SYT7: variants seen among roughly 807,000 people sequenced by gnomAD.
The protein encoded by SYT7 is synaptotagmin 7.
A neutral mutation model predicts 75.1 loss-of-function variants in SYT7; 29 were observed. That is an observed-to-expected ratio of 0.39 (90% confidence interval 0.29 to 0.53). SYT7 has a LOEUF of 0.53. Among genes scored for constraint, SYT7 ranks in the 20% least tolerant of loss-of-function variants. SYT7 has a pLI of 0.77. For synonymous variants in SYT7, 376 were observed against 401.7 expected, an observed-to-expected ratio of 0.94 and a Z score of 0.76; for missense variants, 693 against 953.2, an observed-to-expected ratio of 0.73 and a Z score of 3.59.
intron 2 of SYT7, among the ~76,000 whole-genome samples, chr11:61,552,501 C>T (rs536865471): frequency 2.0e-5 from 3 of 152,234 alleles, no homozygotes; most frequent in Admixed American, 1.3e-4. Context: ...CACACACGTG[C>T]GCGCACAAAT....
upstream of SYT7, among the ~76,000 whole-genome samples, chr11:61,582,033 A>G (rs1339452199): frequency 6.6e-6 from 1 of 152,114 alleles, no homozygotes; most frequent in Admixed American, 6.6e-5. Context: ...CATTAGTGGT[A>G]TGGTAGGCAC....
At position 61,542,609 on chromosome 11, in the gene SYT7, G is replaced by A. The variant is rs1195237188; in HGVS notation, c.573-30C>T. 1 of 1,465,278 alleles carries A rather than the reference G, an allele frequency of 6.8e-7. No homozygotes were observed. Among genetic ancestry groups the A allele is most frequent in the Non-Finnish European group, 9.0e-7 (1 of 1,111,826 alleles). 90.8% of individuals were successfully genotyped at this position (1,465,278 alleles called of 1,614,324 possible). On this transcript the variant is annotated intron_variant, in intron 5 of 12. Coordinates refer to ENST00000539008, the MANE Select transcript of SYT7 (RefSeq NM_001365809.2). This position sits in a 1 kb window ranked among gnomAD's most constrained non-coding sequence, Gnocchi z 7.8. ...GGGCAGGTGGAGGAGAGGAGAGAAAGGAGAAGCAGATGAAGGGATCACAGT... is the reference window on the plus strand; with the variant it reads ...GGGCAGGTGGAGGAGAGGAGAGAAAAGAGAAGCAGATGAAGGGATCACAGT...
chr11:61,518,668 G>A lies in SYT7; in HGVS notation c.2020C>T (p.Pro674Ser). The change falls in exon 13 of 13, where the codon CCC becomes TCC. Residue 674 changes from proline (P) to serine (S), a missense_variant. Physicochemically the swap from Pro to Ser is moderately conservative, Grantham distance 74. Around this residue, in one of 2 missense-constraint regions of SYT7, gnomAD observed 206 missense variants for 360.0 expected, o/e 0.57. Transcript: ENST00000539008. The part of the protein sequence containing the change: ...VKHWKDMIAR[P>S]RQPVAQWHQL... ...TGCCACTGGGCCACGGGCTGCCGGG[G>A]ACGGGCAATCATGTCCTTCCAGTGC... The A allele has an allele frequency of 6.5e-7, 1 of 1,549,880 alleles. No individual in the cohort carries two copies. The highest frequency in any genetic ancestry group is 8.7e-7 in the Non-Finnish European group (1 of 1,146,038).
At chr11:61,552,592 G>A (rs1773191112) in intron 2 of SYT7, among the ~76,000 whole-genome samples, 1 of 152,184 alleles carries the variant, frequency 6.6e-6, no homozygotes, top group South Asian at 2.1e-4. Flanking sequence ...CAGAGTAAGA[G>A]CTGTCACTGC....
chr11:61,557,940 C>A (rs905068476), intron 1 of SYT7, among the ~76,000 whole-genome samples: 2 of 152,234 alleles, frequency 1.3e-5, no homozygotes, highest in Admixed American at 6.5e-5. Flanking sequence ...CACAGCCCCA[C>A]GGCCCATGGC....
chr11:61,539,902 T>C (rs1190880047), intron 6 of SYT7: 1 of 152,100 alleles, frequency 6.6e-6, no homozygotes, highest in Non-Finnish European at 1.5e-5. Context: ...AACAACTCTA[T>C]ACCCTCCCTC....
At chr11:61,525,095 C>T (rs1295934009) in intron 9 of SYT7, among the ~76,000 whole-genome samples, 1 of 152,200 alleles carries the variant, frequency 6.6e-6, no homozygotes, top group Non-Finnish European at 1.5e-5. Context: ...CCTACCGCAG[C>T]GTCCCCTTCT....
rs368677782 is a variant in SYT7 at position 61,534,062 on chromosome 11, G to A, written c.1065-938C>T. On this transcript the variant is annotated intron_variant, in intron 7 of 12. Coordinates refer to ENST00000539008, the MANE Select transcript of SYT7 (RefSeq NM_001365809.2). Reference sequence around the variant, plus strand: ...CCGTTCAGCTGGGGGTCAGGAAGGGGGCACTAAAAGCCTGCCCAGGGACCA... The same window carrying A: ...CCGTTCAGCTGGGGGTCAGGAAGGGAGCACTAAAAGCCTGCCCAGGGACCA... Among the ~76,000 whole-genome samples, 37 of 152,328 alleles carry A rather than the reference G, an allele frequency of 2.4e-4. No homozygotes were observed. The East Asian group carries it at 2.5e-3, about 10-fold the overall frequency.
In SYT7 at chr11:61,560,773, C is replaced by A. The variant is rs559159790; in HGVS notation, c.32-4566G>T. ...TCCAGCTAGAAGGGACCTTGAAAGT[C>A]ATGAAGTCAGGCCCCAGGGATGCAC... On this transcript the variant is annotated intron_variant, in intron 1 of 12. Coordinates refer to ENST00000539008, the MANE Select transcript of SYT7 (RefSeq NM_001365809.2). Among the ~76,000 whole-genome samples, 20 of 152,258 alleles carry A rather than the reference C, an allele frequency of 1.3e-4. No individual in the cohort carries two copies. The South Asian group carries it at 3.9e-3, about 30-fold the overall frequency.
intron 5 of SYT7, among the ~76,000 whole-genome samples, chr11:61,543,203 C>T (rs562564948): frequency 1.3e-5 from 2 of 152,284 alleles, no homozygotes; most frequent in South Asian, 2.1e-4. Context: ...CAGGGTCTGG[C>T]GTGGATCTTT....
chr11:61,538,304 G>A (rs764892495), intron 6 of SYT7, 38 bp from the exon 7 acceptor site: 50 of 1,506,232 alleles, frequency 3.3e-5, no homozygotes, highest in South Asian at 2.3e-4. Context: ...AGGGTGAAAC[G>A]AGGAGGCCCC....
rs936798963 is a variant in SYT7 at position 61,580,044 on chromosome 11, T to C, written c.31+746A>G. On this transcript the variant is annotated intron_variant, in intron 1 of 12. Transcript: ENST00000539008. This position sits in a 1 kb window ranked among gnomAD's most constrained non-coding sequence, Gnocchi z 6.1. ...GGCTTAGAGGATACCAAGCAGACAG[T>C]GGGCTCCCAGGCCACTCCCCTGGCG... is the stretch of plus-strand genomic sequence containing the variant. Among the ~76,000 whole-genome samples the C allele has an allele frequency of 7.2e-5, 11 of 152,196 alleles. No homozygotes were observed. The highest frequency in any genetic ancestry group is 2.1e-4 in the South Asian group (1 of 4,822).
rs139907919 is a variant in SYT7 at position 61,528,260 on chromosome 11, G to A, written c.1201-75C>T. The A allele has an allele frequency of 1.9e-4, 297 of 1,545,710 alleles. No individual in the cohort carries two copies. The East Asian group carries it at 4.1e-3, about 21-fold the overall frequency. On this transcript the variant is annotated intron_variant, in intron 8 of 12. Transcript: ENST00000539008. ...CCATGTCCCCACCGCTGGCTAGCAC[G>A]GGTGAGAGGCCAGAGGCGGTGGCCC... is the stretch of plus-strand genomic sequence containing the variant.
intron 2 of SYT7, among the ~76,000 whole-genome samples, chr11:61,554,883 C>T (rs1017316791): frequency 5.9e-5 from 9 of 152,170 alleles, no homozygotes; most frequent in African/African-American, 1.9e-4. Context: ...TCCACTATGG[C>T]TCCTCCCCAG....
At chr11:61,563,737 G>A (rs2063698811) in intron 1 of SYT7, among the ~76,000 whole-genome samples, 1 of 152,060 alleles carries the variant, frequency 6.6e-6, no homozygotes, top group Non-Finnish European at 1.5e-5. Flanking sequence ...TATCTTCAAG[G>A]CAACTAGACA....
chr11:61,557,745 G>A (rs929729672), intron 1 of SYT7, among the ~76,000 whole-genome samples: 1 of 152,204 alleles, frequency 6.6e-6, no homozygotes, highest in African/African-American at 2.4e-5. Flanking sequence ...AGGGGCCACG[G>A]CACCCAGGAG....
In SYT7 at chr11:61,553,078, G is replaced by A. The variant is rs1035934686; in HGVS notation, c.136-1615C>T. On this transcript the variant is annotated intron_variant, in intron 2 of 12. Coordinates refer to ENST00000539008, the MANE Select transcript of SYT7 (RefSeq NM_001365809.2). This position sits in a 1 kb window ranked among gnomAD's most constrained non-coding sequence, Gnocchi z 5.2. ...CCCTGGAGTCTGGGCCCCCAGCAGC[G>A]ACCTCTAAGTCAGAACTTTAAGAGT... Among the ~76,000 whole-genome samples the A allele has an allele frequency of 6.6e-6, 1 of 152,054 alleles. No homozygotes were observed. Among genetic ancestry groups the A allele is most frequent in the South Asian group, 2.1e-4 (1 of 4,832 alleles).
rs2062405644 is a variant in SYT7 at position 61,523,263 on chromosome 11, T to A, written c.1768A>T (p.Lys590Ter). The change falls in exon 12 of 13, where the codon AAG becomes TAG. Residue 590 changes from lysine to a stop codon, truncating the protein, a stop_gained. Transcript: ENST00000539008. LOFTEE classifies it high-confidence loss of function. This position sits in a 1 kb window ranked among gnomAD's most constrained non-coding sequence, Gnocchi z 5.0. ...TTGTCCTTGTACATCAGCCATACCT[T>A]CACGTAGGGGTCTAGGGGAGGGAGT... ...DIGGTSDPYV[K>*]VWLMYKDKRV... The A allele has an allele frequency of 6.2e-7, 1 of 1,613,956 alleles. No individual in the cohort carries two copies. The highest frequency in any genetic ancestry group is 1.3e-5 in the African/African-American group (1 of 74,892).
At chr11:61,531,020 C>T in intron 8 of SYT7, 1 of 985,440 alleles carries the variant, frequency 1.0e-6, no homozygotes, top group Non-Finnish European at 1.2e-6. Context: ...ACACCTCTGC[C>T]CCTCAGCTCC....
Sources: gnomAD v4.1 joint callset for allele counts (sites outside exome capture counted in the v4.1 genomes callset) on GRCh38, gnomAD v4.1.1 for gene constraint, gnomAD v4.1.1 regional missense constraint, Gnocchi (gnomAD v3.1) non-coding constraint, MANE v1.5 for transcripts, NCBI Gene and HGNC (gene_info 2026-07-23, HGNC 2026-07-21) for gene names.